The following MED4 variants were observed in gnomAD, a reference collection of about 807,000 sequenced individuals.
MED4 encodes the protein mediator complex subunit 4.
In MED4, 21 loss-of-function variants were observed where a neutral mutation model predicts 35.0. That is an observed-to-expected ratio of 0.60 (90% CI 0.43 to 0.86). The LOEUF is 0.86. Among genes scored for constraint, MED4 ranks in the 40% least tolerant of loss-of-function variants. The pLI is 0.00. For missense variants in MED4, 300 were observed against 319.4 expected, an observed-to-expected ratio of 0.94 and a Z score of 0.46; for synonymous variants, 138 against 114.0, an observed-to-expected ratio of 1.21 and a Z score of -1.34.
chr13:48,079,529 C>T (rs1301311767), intron 6 of MED4, among the ~76,000 whole-genome samples: 2 of 152,050 alleles, frequency 1.3e-5, no homozygotes, highest in African/African-American at 2.4e-5. Flanking sequence ...TGCTTGGGGT[C>T]AGGAGTTCGA....
At chr13:48,093,474 A>G in intron 1 of MED4, 1 of 337,808 alleles carries the variant, frequency 3.0e-6, no homozygotes, top group Non-Finnish European at 6.3e-6. Context: ...CATTTTCATA[A>G]ATGCAAGCCA....
In MED4 at chr13:48,077,122, T is replaced by G. The variant is rs775345256; in HGVS notation, c.*17A>C. 3 of 1,583,844 alleles carry G rather than the reference T, an allele frequency of 1.9e-6. No homozygotes were observed. The highest frequency in any genetic ancestry group is 2.6e-6 in the Non-Finnish European group (3 of 1,165,248). On this transcript the variant is annotated 3_prime_UTR_variant, in exon 7 of 7. Coordinates refer to ENST00000258648, the MANE Select transcript of MED4 (RefSeq NM_014166.4). ...ATTCTACAGTATTCAATTCTGTATATTGTCTTTTAAGGTTTTTCAATCAGA... is the reference window on the plus strand; with the variant it reads ...ATTCTACAGTATTCAATTCTGTATAGTGTCTTTTAAGGTTTTTCAATCAGA...
At chr13:48,091,154 G>A (rs948039969) in intron 1 of MED4, among the ~76,000 whole-genome samples, 1 of 152,130 alleles carries the variant, frequency 6.6e-6, no homozygotes, top group East Asian at 1.9e-4. Flanking sequence ...ATTTTTTAAT[G>A]ATTCTCCACT....
intron 3 of MED4, 87 bp downstream of exon 3, chr13:48,086,195 G>C: frequency 1.6e-6 from 2 of 1,281,720 alleles, no homozygotes. Context: ...CTAGTTTTCT[G>C]CTCTTCAAAA....
In MED4 at chr13:48,090,432, A is replaced by AG. The variant is rs765608380; in HGVS notation, c.126-15_126-14insC. 6.4e-7 allele frequency: 1 copy of AG among 1,568,280 alleles called. No homozygotes were observed. Among genetic ancestry groups the AG allele is most frequent in the Admixed American group, 1.9e-5 (1 of 53,112 alleles). ...TCTATAAGTTCCCTAAAAAAAAAAA[A>AG]CCAACAACAACAAAAACCCTTTCAC... On this transcript the variant is annotated splice_polypyrimidine_tract_variant and intron_variant, in intron 1 of 6. Transcript: ENST00000258648.
Position 48,077,283 on chromosome 13 carries a change from C to T in MED4, c.669G>A (p.Gln223=). Residue 223 remains glutamine, a synonymous_variant, in exon 7 of 7, where the codon CAG becomes CAA. Coordinates refer to ENST00000258648, the MANE Select transcript of MED4 (RefSeq NM_014166.4). ...ACATATTCATCGACATGTCATTTGA[C>T]TGCCATGGATACTGTGGAGCAAGGA... ...PDVLAPQYPW[Q]SNDMSMNMLP... 6.4e-7 allele frequency: 1 copy of T among 1,559,534 alleles called. No individual in the cohort carries two copies. Among genetic ancestry groups the T allele is most frequent in the Non-Finnish European group, 8.6e-7 (1 of 1,157,958 alleles).
intron 2 of MED4, among the ~76,000 whole-genome samples, chr13:48,089,592 T>A (rs567236049): frequency 4.9e-4 from 75 of 152,024 alleles, no homozygotes; most frequent in African/African-American, 1.6e-3. Context: ...AAAAAAAAAA[T>A]TTCTTTTAAA....
intron 1 of MED4, among the ~76,000 whole-genome samples, chr13:48,092,692 G>A (rs9316349): frequency 0.24 from 36,425 of 152,052 alleles, 5,260 homozygotes; most frequent in African/African-American, 0.41. Context: ...ACTTGCTGAT[G>A]GATCAACAGC....
At chr13:48,081,477 A>G (rs2137830246) in intron 5 of MED4, among the ~76,000 whole-genome samples, 168 bp downstream of exon 5, 1 of 152,352 alleles carries the variant, frequency 6.6e-6, no homozygotes, top group South Asian at 2.1e-4. Context: ...AACCAAATTT[A>G]TAAAACCCAT....
chr13:48,082,594 G>A (rs961996707), intron 4 of MED4, among the ~76,000 whole-genome samples: 1 of 152,122 alleles, frequency 6.6e-6, no homozygotes, highest in Admixed American at 6.6e-5. Flanking sequence ...TTGGGAGGCC[G>A]AGGTGGGCAG....
In MED4 at chr13:48,086,286, A is replaced by T; in HGVS notation, c.359T>A (p.Ile120Lys). 1 of 1,613,512 alleles carries T rather than the reference A, an allele frequency of 6.2e-7. No individual in the cohort carries two copies. The highest frequency in any genetic ancestry group is 8.5e-7 in the Non-Finnish European group (1 of 1,179,762). The change falls in exon 3 of 7, where the codon ATA becomes AAA. Residue 120 changes from isoleucine (I) to lysine (K), a missense_variant. Ile to Lys is a moderately radical substitution (Grantham distance 102, BLOSUM62 -3). Coordinates refer to ENST00000258648, the MANE Select transcript of MED4 (RefSeq NM_014166.4). ...LQKQLKEAEQILATAVYQAKE... is the reference protein window; with the variant it reads ...LQKQLKEAEQKLATAVYQAKE... Reference sequence around the variant, plus strand: ...AACCAACCTCTGTCAACTTACCAGTATTTGTTCTGCTTCCTTTAGCTGTTT... The same window carrying T: ...AACCAACCTCTGTCAACTTACCAGTTTTTGTTCTGCTTCCTTTAGCTGTTT...
At chr13:48,086,251 T>C (rs1319478528) in intron 3 of MED4, 31 bp downstream of exon 3, 2 of 1,598,440 alleles carry the variant, frequency 1.3e-6, no homozygotes, top group Non-Finnish European at 1.7e-6. Flanking sequence ...ACATCCTTTT[T>C]AACCTTAAGA....
chr13:48,078,406 C>T (rs569558630), intron 6 of MED4, among the ~76,000 whole-genome samples: 1 of 152,146 alleles, frequency 6.6e-6, no homozygotes, highest in Non-Finnish European at 1.5e-5. Flanking sequence ...TGCTGTGATG[C>T]CTGGTTGGTG....
At chr13:48,077,394 G>T (rs1950769193) in intron 6 of MED4, 83 bp from the exon 7 acceptor site, 1 of 1,167,610 alleles carries the variant, frequency 8.6e-7, no homozygotes, top group Non-Finnish European at 1.1e-6. Context: ...GCAACAATTT[G>T]AAGTATTTTT....
chr13:48,084,265 C>CAAAAAAA (rs71099664), intron 3 of MED4, among the ~76,000 whole-genome samples: 10 of 109,948 alleles, frequency 9.1e-5, no homozygotes, highest in African/African-American at 3.6e-4. Flanking sequence ...GACTCTGTCT[C>CAAAAAAA]AAAAAAAAAA....
At chr13:48,078,747 T>C (rs1950780330) in intron 6 of MED4, among the ~76,000 whole-genome samples, 1 of 152,244 alleles carries the variant, frequency 6.6e-6, no homozygotes, top group South Asian at 2.1e-4. Context: ...CTGTTTTTCC[T>C]GTACTTTTAA....
Position 48,083,416 on chromosome 13 carries a change from A to G in MED4, c.376T>C (p.Tyr126His). The change falls in exon 4 of 7, where the codon TAC (tyrosine) becomes CAC (histidine). Residue 126 changes from tyrosine to histidine, a missense_variant. Coordinates refer to ENST00000258648, the MANE Select transcript of MED4 (RefSeq NM_014166.4). ...GACTTGAGTTTCTCCTTCGCTTGGT[A>G]AACAGCTGTTGCCTAATTTAAACAA... ...EAEQILATAV[Y>H]QAKEKLKSIE... The G allele has an allele frequency of 1.9e-6, 3 of 1,612,976 alleles. No homozygotes were observed. The highest frequency in any genetic ancestry group is 1.7e-6 in the Non-Finnish European group (2 of 1,179,662).
At chr13:48,080,383 C>A (rs1485702384) in intron 5 of MED4, among the ~76,000 whole-genome samples, 9 of 94,704 alleles carry the variant, frequency 9.5e-5, no homozygotes, top group Non-Finnish European at 1.6e-4. Flanking sequence ...GGCCACAGAG[C>A]AAGACCCTGT....
chr13:48,089,854 T>C (rs569431530), intron 2 of MED4, among the ~76,000 whole-genome samples: 6 of 152,192 alleles, frequency 3.9e-5, no homozygotes, highest in Admixed American at 1.3e-4. Context: ...CATGGAAAAT[T>C]AGAAAGCACC....
Sources: allele counts gnomAD v4.1 joint callset (sites outside exome capture counted in the v4.1 genomes callset), GRCh38; gene constraint gnomAD v4.1.1; transcripts MANE v1.5; gene names NCBI Gene and HGNC (gene_info 2026-07-23, HGNC 2026-07-21).